Variants in PCDH15 observed in about 807,000 individuals in gnomAD.
PCDH15 encodes protocadherin-15.
Under a neutral mutation model 178.5 loss-of-function variants are expected in PCDH15, and 129 were observed. That is an observed-to-expected ratio of 0.72 (90% CI 0.63 to 0.84). The LOEUF (loss-of-function observed/expected upper bound fraction) is 0.84. PCDH15 is among the 40% of genes least tolerant of loss of function. The pLI, the probability that PCDH15 is intolerant of heterozygous loss-of-function variation, is 0.00. For synonymous variants in PCDH15, 800 were observed against 732.0 expected, an observed-to-expected ratio of 1.09 and a Z score of -1.50; for missense variants, 2,230 against 2,099.9, an observed-to-expected ratio of 1.06 and a Z score of -1.21.
At chr10:54,447,464 A>G (rs187228591) in intron 3 of PCDH15, among the ~76,000 whole-genome samples, 2 of 151,588 alleles carry the variant, frequency 1.3e-5, no homozygotes, top group African/African-American at 4.8e-5. Flanking sequence ...TAAACTCTAC[A>G]TATAAGTGAG....
chr10:54,345,801 C>CAAAAAAAAAAAAAAA (rs540507383), intron 6 of PCDH15, among the ~76,000 whole-genome samples: 1 of 52,434 alleles, frequency 1.9e-5, no homozygotes, highest in Non-Finnish European at 3.2e-5. Flanking sequence ...GACTCCGTCT[C>CAAAAAAAAAAAAAAA]AAAAAAAAAA....
At chr10:54,708,801 T>TGTGTGTGTGC (rs959581064) in intron 1 of PCDH15, among the ~76,000 whole-genome samples, 31 of 125,568 alleles carry the variant, frequency 2.5e-4, no homozygotes, top group African/African-American at 8.5e-4. Flanking sequence ...TGTGTGTGTG[T>TGTGTGTGTGC]GCGCGCGCGT....
intron 25 of PCDH15, among the ~76,000 whole-genome samples, chr10:53,922,904 G>A (rs1031140704): frequency 2.0e-5 from 3 of 151,980 alleles, no homozygotes; most frequent in Non-Finnish European, 2.9e-5. Context: ...TGGCTAACAC[G>A]GTGGAACCCC....
At chr10:54,118,423 G>A (rs963485081) in intron 15 of PCDH15, among the ~76,000 whole-genome samples, 10 of 152,142 alleles carry the variant, frequency 6.6e-5, no homozygotes, top group African/African-American at 2.4e-4. Context: ...CACTTTGAGA[G>A]GCCAAGGAGG....
intron 1 of PCDH15, among the ~76,000 whole-genome samples, chr10:55,288,816 C>A (rs1330771218): frequency 6.6e-6 from 1 of 151,322 alleles, no homozygotes; most frequent in Non-Finnish European, 1.5e-5. Context: ...AATAATGTTG[C>A]AATAAACATT....
At chr10:55,535,841 C>T (rs963492538) in intron 2 of PCDH15, among the ~76,000 whole-genome samples, 3 of 151,934 alleles carry the variant, frequency 2.0e-5, no homozygotes, top group Non-Finnish European at 4.4e-5. Context: ...AGGGATACAC[C>T]TAAATGTTAA....
At chr10:53,948,137 G>A (rs773707680) in intron 23 of PCDH15, among the ~76,000 whole-genome samples, 8 of 152,024 alleles carry the variant, frequency 5.3e-5, no homozygotes, top group Non-Finnish European at 1.2e-4. Context: ...GACTTACAAC[G>A]GGGTTAGGTC....
At chr10:54,424,202 T>G (rs558341508) in intron 3 of PCDH15, among the ~76,000 whole-genome samples, 1 of 152,022 alleles carries the variant, frequency 6.6e-6, no homozygotes, top group Admixed American at 6.5e-5. Context: ...GGGTGAAGGA[T>G]ATGAACAGAC....
chr10:53,843,724 C>T (rs986527517), intron 28 of PCDH15, among the ~76,000 whole-genome samples: 1 of 151,940 alleles, frequency 6.6e-6, no homozygotes, highest in African/African-American at 2.4e-5. Context: ...TCTATATTTT[C>T]TAGTTTAAAA....
chr10:54,235,179 C>T (rs2054500002), intron 9 of PCDH15, among the ~76,000 whole-genome samples: 1 of 152,150 alleles, frequency 6.6e-6, no homozygotes, highest in Non-Finnish European at 1.5e-5. Flanking sequence ...TACTACAATC[C>T]TCCTCTGCTT....
At chr10:55,529,596 C>G (rs541690230) in intron 2 of PCDH15, among the ~76,000 whole-genome samples, 127 of 151,178 alleles carry the variant, frequency 8.4e-4, no homozygotes, top group Non-Finnish European at 1.3e-3. Flanking sequence ...TTTTTTATCA[C>G]TTTACTTTTA....
chr10:54,502,897 G>C (rs1211882683), intron 3 of PCDH15, among the ~76,000 whole-genome samples: 2 of 151,892 alleles, frequency 1.3e-5, no homozygotes, highest in African/African-American at 4.8e-5. Context: ...GCATTTTACT[G>C]TCTCTATGTA....
At chr10:55,265,330 A>ATATATATATAT (rs1270853492) in intron 1 of PCDH15, among the ~76,000 whole-genome samples, 1 of 151,292 alleles carries the variant, frequency 6.6e-6, no homozygotes, top group African/African-American at 2.4e-5. Context: ...ATATATATAG[A>ATATATATATAT]CATAGAGATA....
At chr10:54,333,389 ATTCT>A (rs1940288440) in intron 6 of PCDH15, among the ~76,000 whole-genome samples, 2 of 152,264 alleles carry the variant, frequency 1.3e-5, no homozygotes, top group Admixed American at 1.3e-4. Context: ...TTGAGTATTC[ATTCT>A]GTCTCTAAAA....
intron 1 of PCDH15, among the ~76,000 whole-genome samples, chr10:55,257,693 A>G (rs575188693): frequency 1.2e-4 from 19 of 152,294 alleles, no homozygotes; most frequent in African/African-American, 4.3e-4. Flanking sequence ...AAAAGAAACG[A>G]ACAAAGCCTC....
chr10:54,994,939 T>C (rs1040479667), intron 2 of PCDH15, among the ~76,000 whole-genome samples: 1 of 152,198 alleles, frequency 6.6e-6, no homozygotes, highest in African/African-American at 2.4e-5. Context: ...ATATCATAAT[T>C]ACATTAAAGT....
intron 2 of PCDH15, among the ~76,000 whole-genome samples, chr10:55,444,640 T>C (rs1024906185): frequency 6.6e-6 from 1 of 152,150 alleles, no homozygotes; most frequent in Non-Finnish European, 1.5e-5. Flanking sequence ...TGCCAAAGTT[T>C]ATTAGAAATT....
intron 2 of PCDH15, chr10:54,619,074 A>G (rs1361435466): frequency 6.6e-6 from 1 of 152,070 alleles, no homozygotes; most frequent in Non-Finnish European, 1.5e-5. Flanking sequence ...GGAAAGTCAA[A>G]CACTGATCTT....
At chr10:55,258,376 CA>C in intron 1 of PCDH15, among the ~76,000 whole-genome samples, 1 of 152,298 alleles carries the variant, frequency 6.6e-6, no homozygotes, top group Non-Finnish European at 1.5e-5. Flanking sequence ...AGGTGCAAGA[CA>C]CCAGAGGTGG....
Sources: gnomAD v4.1 joint callset for allele counts (sites outside exome capture counted in the v4.1 genomes callset) on GRCh38, gnomAD v4.1.1 for gene constraint, MANE v1.5 for transcripts, NCBI Gene and HGNC (gene_info 2026-07-23, HGNC 2026-07-21) for gene names.